PSME2: variants seen among roughly 807,000 people sequenced by gnomAD.
PSME2 encodes proteasome activator complex subunit 2.
Under a neutral mutation model 38.8 loss-of-function variants are expected in PSME2, and 20 were observed. The ratio of observed to expected loss-of-function variants is 0.52; its 90% CI spans 0.36 to 0.75. The LOEUF (loss-of-function observed/expected upper bound fraction) is 0.75, where lower values mean the gene tolerates loss of function less well. PSME2 is among the 30% of genes least tolerant of loss of function. The probability of loss-of-function intolerance (pLI) is 0.00; values close to 1 mark genes in which losing one functional copy is unlikely to be tolerated. For synonymous variants in PSME2, 82 were observed against 102.5 expected (o/e 0.80, Z 1.21); for missense variants, 227 against 287.6 (o/e 0.79, Z 1.52).
At chr14:24,145,196 G>C (rs749936214) in intron 5 of PSME2, 41 bp from the exon 6 acceptor site, 2 of 1,611,962 alleles carry the variant, frequency 1.2e-6, no homozygotes, top group South Asian at 1.1e-5. Flanking sequence ...TCATCCAGTA[G>C]TCAGTGTGCC....
Position 24,143,464 on chromosome 14 carries a change from C to T in PSME2, c.665G>A (p.Ser222Asn), listed in dbSNP as rs1229532620. Residue 222 changes from serine (S) to asparagine (N), a missense_variant, in exon 11 of 11, where the codon AGC becomes AAC. This residue lies in a region of PSME2 where 99 missense variants were observed against 113.9 expected (regional missense o/e 0.87). Coordinates refer to ENST00000216802, the MANE Select transcript of PSME2 (RefSeq NM_002818.3). This position sits in a 1 kb window ranked among gnomAD's most constrained non-coding sequence, Gnocchi z 4.4. ...FYAELYHIIS[S>N]NLEKIVNPKG... ...TGGGTTGACAATTTTCTCCAGGTTG[C>T]TGCTGATGATATGATAAAGCTCAGC... 6.2e-7 allele frequency: 1 copy of T among 1,614,030 alleles called. No individual in the cohort carries two copies. Among genetic ancestry groups the T allele is most frequent in the East Asian group, 2.2e-5 (1 of 44,902 alleles).
At chr14:24,144,373 A>G in intron 7 of PSME2, 27 bp downstream of exon 7, 1 of 1,608,270 alleles carries the variant, frequency 6.2e-7, no homozygotes, top group Non-Finnish European at 8.5e-7. Flanking sequence ...TCCCCACTCT[A>G]AGTATCTTCA....
Position 24,145,511 on chromosome 14 carries a change from T to A in PSME2, c.145-46A>T, listed in dbSNP as rs377334057. ...AGGGCTGCCCAACCTCTTCCCTTCATCCTAGGTCACAGCCTTCCCTCCATA... is the reference window on the plus strand; with the variant it reads ...AGGGCTGCCCAACCTCTTCCCTTCAACCTAGGTCACAGCCTTCCCTCCATA... On this transcript the variant is annotated intron_variant, in intron 3 of 10. Coordinates refer to ENST00000216802, the MANE Select transcript of PSME2 (RefSeq NM_002818.3). 2.0e-5 allele frequency: 31 copies of A among 1,528,010 alleles called. No individual in the cohort carries two copies. In the African/African-American group the frequency reaches 4.1e-4, roughly 20 times the overall value. The allele number at this position is 1,528,010 out of a possible 1,614,324, so 94.7% of individuals were successfully genotyped here. A position where few individuals can be genotyped will look rare whatever the true frequency, so the allele number is the denominator to read the frequency against.
chr14:24,144,532 C>T (rs1028773275), intron 6 of PSME2, 64 bp from the exon 7 acceptor site: 3 of 1,494,618 alleles, frequency 2.0e-6, no homozygotes, highest in South Asian at 2.3e-5. Flanking sequence ...CTATTACTGT[C>T]ACTTCCTAAA....
Position 24,146,525 on chromosome 14 carries a change from C to T in PSME2, c.48+9G>A. ...TATGACCCCTTCCTGGCCTCCGATT[C>T]CCCATTACCTGTTTGCGGGCTTCCC... On this transcript the variant is annotated intron_variant, in intron 1 of 10. Transcript: ENST00000216802. 6.2e-7 allele frequency: 1 copy of T among 1,614,016 alleles called. No homozygotes were observed. Among genetic ancestry groups the T allele is most frequent in the Non-Finnish European group, 8.5e-7 (1 of 1,180,034 alleles).
rs1270897007 is a variant in PSME2, at chr14:24,143,526, G to C, written c.640-37C>G. ...CCAGAGTGCAAGAGTCAGGTTCTTAGCCAATCCCCTGCCTGCCCCCACTCA... is the reference window on the plus strand; with the variant it reads ...CCAGAGTGCAAGAGTCAGGTTCTTACCCAATCCCCTGCCTGCCCCCACTCA... On this transcript the variant is annotated intron_variant, in intron 10 of 10. Transcript: ENST00000216802. The surrounding 1 kb of genome is among the most constrained non-coding windows in gnomAD (Gnocchi z 4.4). 1 of 1,612,972 alleles carries C rather than the reference G, an allele frequency of 6.2e-7. No individual in the cohort carries two copies. The highest frequency in any genetic ancestry group is 8.5e-7 in the Non-Finnish European group (1 of 1,178,988).
At chr14:24,144,940 G>T in intron 6 of PSME2, 118 bp downstream of exon 6, 1 of 1,029,022 alleles carries the variant, frequency 9.7e-7, no homozygotes, top group Non-Finnish European at 1.5e-6. Flanking sequence ...CCAAGGCACA[G>T]AAGGAAGTTT....
chr14:24,145,360 T>G lies in PSME2; in HGVS notation c.231+19A>C, dbSNP rs1308846805. The G allele has an allele frequency of 6.2e-7, 1 of 1,607,854 alleles. No individual in the cohort carries two copies. Among genetic ancestry groups the G allele is most frequent in the African/African-American group, 1.3e-5 (1 of 74,824 alleles). On this transcript the variant is annotated intron_variant, in intron 4 of 10. Transcript: ENST00000216802. ...TCCATTGGGTTTATAGTCCAAGTCC[T>G]GCACCCTGAGTGCCTCACCTCATCA...
chr14:24,144,353 C>G, intron 7 of PSME2, 47 bp downstream of exon 7: 2 of 1,607,878 alleles, frequency 1.2e-6, no homozygotes, highest in African/African-American at 1.3e-5. Context: ...TAGCTCACCC[C>G]CTGAGGCTCT....
rs143001268 is a variant in PSME2 at position 24,145,718 on chromosome 14, G to A, written c.136C>T (p.Leu46Phe). ...LPQKIIYLNQ[L>F]LQEDSLNVAD... The stretch of plus-strand genomic sequence containing the variant: ...GGGCCCACACTACTCACTTGCAAGA[G>A]CTGATTCAGGTATATGATTTTCTGT... The change falls in exon 3 of 11, where the codon CTC becomes TTC. Residue 46 changes from leucine to phenylalanine, a missense_variant. Coordinates refer to ENST00000216802, the MANE Select transcript of PSME2 (RefSeq NM_002818.3). 7 of 1,613,768 alleles carry A rather than the reference G, an allele frequency of 4.3e-6. No homozygotes were observed. In the African/African-American group the frequency reaches 5.3e-5, roughly 12 times the overall value.
Position 24,143,854 on chromosome 14 carries a change from G to A in PSME2, c.552+121C>T. 3 of 1,379,820 alleles carry A rather than the reference G, an allele frequency of 2.2e-6. No individual in the cohort carries two copies. Among genetic ancestry groups the A allele is most frequent in the South Asian group, 2.4e-5 (2 of 82,944 alleles). The allele number at this position is 1,379,820 out of a possible 1,614,324, so 85.5% of individuals were successfully genotyped here. A position where few individuals can be genotyped will look rare whatever the true frequency, so the allele number is the denominator to read the frequency against. On this transcript the variant is annotated intron_variant, in intron 9 of 10. Coordinates refer to ENST00000216802, the MANE Select transcript of PSME2 (RefSeq NM_002818.3). The surrounding 1 kb of genome is among the most constrained non-coding windows in gnomAD (Gnocchi z 4.4). ...TTGAAGCCCAAACCAGTTTTTCTAGGTAATGCTTTTAGCTTAATATTCTCC... is the reference window on the plus strand; with the variant it reads ...TTGAAGCCCAAACCAGTTTTTCTAGATAATGCTTTTAGCTTAATATTCTCC...
rs147705721 is a variant in PSME2 at position 24,144,015 on chromosome 14, C to T, written c.512G>A (p.Arg171His). 3.0e-4 allele frequency: 485 copies of T among 1,614,000 alleles called. No individual in the cohort carries two copies. The highest frequency in any genetic ancestry group is 3.8e-4 in the Non-Finnish European group (446 of 1,180,024). The change falls in exon 9 of 11, where the codon CGT (arginine) becomes CAT (histidine). Residue 171 changes from arginine to histidine, a missense_variant. By Grantham distance (29) the Arg-to-His change is conservative. This residue lies in a region of PSME2 where 99 missense variants were observed against 113.9 expected (regional missense o/e 0.87). Transcript: ENST00000216802. Reference sequence around the variant, plus strand: ...GGAGGCCTTGGCCACAGCATCCCCACGTTCTGAGAAGTACCTGCCAGAAGC... The same window carrying T: ...GGAGGCCTTGGCCACAGCATCCCCATGTTCTGAGAAGTACCTGCCAGAAGC... Reference protein sequence around the residue: ...QTTISKYFSERGDAVAKASKE... With the variant: ...QTTISKYFSEHGDAVAKASKE...
In PSME2 at chr14:24,143,824, GGTT is replaced by G; in HGVS notation, c.552+148_552+150del. The G allele has an allele frequency of 7.8e-7, 1 of 1,281,000 alleles. No individual in the cohort carries two copies. Among genetic ancestry groups the G allele is most frequent in the Non-Finnish European group, 1.1e-6 (1 of 897,584 alleles). 79.4% of individuals were successfully genotyped at this position (1,281,000 alleles called of 1,614,324 possible). ...AGGACTGAGCAGAGAAAAGGGTCAA[GGTT>G]GTTGAAGCCCAAACCAGTTTTTCTA... On this transcript the variant is annotated intron_variant, in intron 9 of 10. Coordinates refer to ENST00000216802, the MANE Select transcript of PSME2 (RefSeq NM_002818.3). This position sits in a 1 kb window ranked among gnomAD's most constrained non-coding sequence, Gnocchi z 4.4.
At position 24,144,451 on chromosome 14, in the gene PSME2, T is replaced by C. The variant is rs773306941; in HGVS notation, c.378A>G (p.Gln126=). The change falls in exon 7 of 11, where the codon CAA becomes CAG. Residue 126 remains glutamine (Q), a synonymous_variant. Transcript: ENST00000216802. Reference sequence around the variant, plus strand: ...CATCTTCAATCTTGGGGATCAGGTGTTGGATCCATGTAATCACCTGTGTTA... The same window carrying C: ...CATCTTCAATCTTGGGGATCAGGTGCTGGATCCATGTAATCACCTGTGTTA... ...EKCILVITWI[Q]HLIPKIEDGN... is the part of the protein sequence containing the mutation. 15 of 1,612,882 alleles carry C rather than the reference T, an allele frequency of 9.3e-6. No homozygotes were observed. Among genetic ancestry groups the C allele is most frequent in the Admixed American group, 3.3e-5 (2 of 60,004 alleles).
chr14:24,146,142 A>C, intron 2 of PSME2, 66 bp downstream of exon 2: 1 of 1,572,316 alleles, frequency 6.4e-7, no homozygotes, highest in South Asian at 1.1e-5. Flanking sequence ...GGTCATTCTG[A>C]GAGGCTGTTA....
chr14:24,146,074 T>A, intron 2 of PSME2, 134 bp downstream of exon 2: 2 of 1,120,794 alleles, frequency 1.8e-6, no homozygotes, highest in Non-Finnish European at 2.7e-6. Context: ...AATTCCGGGG[T>A]TACTTTGGGT....
chr14:24,144,567 T>C (rs1161704717), intron 6 of PSME2, 99 bp from the exon 7 acceptor site: 1 of 1,118,856 alleles, frequency 8.9e-7, no homozygotes, highest in African/African-American at 1.5e-5. Context: ...ATTGGGTACT[T>C]ATTACATACC....
In PSME2 at chr14:24,143,946, G is replaced by C; in HGVS notation, c.552+29C>G. On this transcript the variant is annotated intron_variant, in intron 9 of 10. Transcript: ENST00000216802. This position sits in a 1 kb window ranked among gnomAD's most constrained non-coding sequence, Gnocchi z 4.4. Reference sequence around the variant, plus strand: ...TCCACACCTCCTCGTCCCACACCCAGCTAAAAGGCTGGTGGACTATCCACT... The same window carrying C: ...TCCACACCTCCTCGTCCCACACCCACCTAAAAGGCTGGTGGACTATCCACT... 1 of 1,609,688 alleles carries C rather than the reference G, an allele frequency of 6.2e-7. No homozygotes were observed. Among genetic ancestry groups the C allele is most frequent in the Non-Finnish European group, 8.5e-7 (1 of 1,176,204 alleles).
chr14:24,144,852 T>C (rs2038125646), intron 6 of PSME2: 1 of 614,982 alleles, frequency 1.6e-6, no homozygotes, highest in Non-Finnish European at 2.9e-6. Context: ...GAGTGGATAC[T>C]GCACAGTCTC....
Sources: allele counts gnomAD v4.1 joint callset, GRCh38; gene constraint gnomAD v4.1.1; regional missense constraint gnomAD v4.1.1; non-coding constraint Gnocchi (gnomAD v3.1); transcripts MANE v1.5; gene names NCBI Gene and HGNC (gene_info 2026-07-23, HGNC 2026-07-21).